The following CNTNAP2 variants were observed in gnomAD, a reference collection of about 807,000 sequenced individuals.
The protein encoded by CNTNAP2 is contactin associated protein 2.
CNTNAP2 carries 98 observed loss-of-function variants against 155.2 expected under a neutral mutation model. That is an observed-to-expected ratio of 0.63 (90% confidence interval 0.54 to 0.75). The LOEUF (loss-of-function observed/expected upper bound fraction) is 0.75, where lower values mean the gene tolerates loss of function less well. Ranked by LOEUF, CNTNAP2 falls within the 30% of genes least tolerant of loss-of-function variation. The pLI is 0.00. For missense variants in CNTNAP2, 1,727 were observed against 1,688.1 expected (o/e 1.02, Z -0.40); for synonymous variants, 651 against 631.2 (o/e 1.03, Z -0.47).
At chr7:146,944,255 A>T (rs1017397348) in intron 3 of CNTNAP2, among the ~76,000 whole-genome samples, 3 of 148,940 alleles carry the variant, frequency 2.0e-5, no homozygotes, top group Non-Finnish European at 4.5e-5. Flanking sequence ...GCAAATCTCC[A>T]ATCATTTTTC....
chr7:147,135,953 T>C (rs1801469172), intron 8 of CNTNAP2, among the ~76,000 whole-genome samples: 1 of 151,574 alleles, frequency 6.6e-6, no homozygotes. Flanking sequence ...ACTAAATTTG[T>C]CTTATGGGAA....
intron 12 of CNTNAP2, among the ~76,000 whole-genome samples, chr7:147,632,743 G>A (rs1449614442): frequency 6.6e-6 from 1 of 152,194 alleles, no homozygotes; most frequent in Non-Finnish European, 1.5e-5. Flanking sequence ...GACTGGAACA[G>A]TTTGGAGGGC....
rs1026651330 is a variant in CNTNAP2 at position 147,435,821 on chromosome 7, T to C, written c.1670+40041T>C. Among the ~76,000 whole-genome samples, 14 of 152,212 alleles carry C rather than the reference T, an allele frequency of 9.2e-5. No individual in the cohort carries two copies. The East Asian group carries it at 2.7e-3, about 29-fold the overall frequency. ...TGTAGAATAGGAATAATAGCACCTA[T>C]TGCTAGTATTGCTATTAGGATTTTC... On this transcript the variant is annotated intron_variant, in intron 10 of 23. Transcript: ENST00000361727.
chr7:147,395,939 A>G (rs1446641701), intron 10 of CNTNAP2, among the ~76,000 whole-genome samples, 159 bp downstream of exon 10: 1 of 151,342 alleles, frequency 6.6e-6, no homozygotes, highest in Admixed American at 6.6e-5. Flanking sequence ...TTGTGATATT[A>G]GCAGTGATTA....
At chr7:147,295,023 C>T (rs560800018) in intron 8 of CNTNAP2, among the ~76,000 whole-genome samples, 13 of 152,230 alleles carry the variant, frequency 8.5e-5, no homozygotes, top group African/African-American at 3.1e-4. Flanking sequence ...ATTAAAGTGT[C>T]CATGTTTTTG....
intron 13 of CNTNAP2, among the ~76,000 whole-genome samples, chr7:147,869,043 T>A (rs1371409560): frequency 6.6e-6 from 1 of 152,190 alleles, no homozygotes; most frequent in Non-Finnish European, 1.5e-5. Flanking sequence ...AAATCATCCA[T>A]CTTCTGCATC....
intron 1 of CNTNAP2, among the ~76,000 whole-genome samples, chr7:146,123,586 A>G (rs1357059373): frequency 6.6e-6 from 1 of 152,220 alleles, no homozygotes; most frequent in African/African-American, 2.4e-5. Context: ...ATTAGATGTC[A>G]TATTGAAATA....
chr7:147,275,794 T>C (rs1163545918), intron 8 of CNTNAP2, among the ~76,000 whole-genome samples: 3 of 152,162 alleles, frequency 2.0e-5, no homozygotes, highest in Non-Finnish European at 4.4e-5. Flanking sequence ...TGATGTTGGC[T>C]GTGAGTTTGT....
At chr7:147,226,003 G>C (rs1447010612) in intron 8 of CNTNAP2, among the ~76,000 whole-genome samples, 1 of 152,024 alleles carries the variant, frequency 6.6e-6, no homozygotes, top group Non-Finnish European at 1.5e-5. Flanking sequence ...AAGAAAGAAA[G>C]AATGAAAGAA....
chr7:146,475,713 A>T (rs1410312951), intron 1 of CNTNAP2, among the ~76,000 whole-genome samples: 1 of 152,188 alleles, frequency 6.6e-6, no homozygotes, highest in African/African-American at 2.4e-5. Context: ...AATAGTGACA[A>T]GAAAAATGAA....
At chr7:148,314,716 TA>T (rs1797656558) in intron 21 of CNTNAP2, among the ~76,000 whole-genome samples, 2 of 151,128 alleles carry the variant, frequency 1.3e-5, no homozygotes, top group African/African-American at 4.8e-5. Flanking sequence ...GAGAAGGGGT[TA>T]GGGGGTTCTT....
intron 12 of CNTNAP2, among the ~76,000 whole-genome samples, chr7:147,606,626 A>G (rs1438936966): frequency 6.6e-6 from 1 of 152,212 alleles, no homozygotes; most frequent in Non-Finnish European, 1.5e-5. Flanking sequence ...ATAAGGATTA[A>G]ACAGTGAAAA....
At chr7:146,322,634 CTTTTTT>C (rs56287346) in intron 1 of CNTNAP2, among the ~76,000 whole-genome samples, 2 of 64,964 alleles carry the variant, frequency 3.1e-5, no homozygotes, top group African/African-American at 5.6e-5. Context: ...TGTTCATTCT[CTTTTTT>C]TTTTTTTTTT....
chr7:146,721,798 AGAC>A (rs1801331499), intron 1 of CNTNAP2, among the ~76,000 whole-genome samples: 1 of 126,332 alleles, frequency 7.9e-6, no homozygotes, highest in African/African-American at 3.5e-5. Context: ...CTACATATAT[AGAC>A]TATATATAGT....
At chr7:147,135,311 T>C (rs1211638050) in intron 8 of CNTNAP2, among the ~76,000 whole-genome samples, 3 of 151,776 alleles carry the variant, frequency 2.0e-5, no homozygotes, top group Admixed American at 6.6e-5. Flanking sequence ...CATGAAAATA[T>C]TGAACAAGTT....
At chr7:147,367,088 A>G (rs550036327) in intron 9 of CNTNAP2, among the ~76,000 whole-genome samples, 1 of 152,326 alleles carries the variant, frequency 6.6e-6, no homozygotes, top group African/African-American at 2.4e-5. Context: ...GACCCGGTGT[A>G]TACAAAAAGC....
At chr7:147,083,541 T>TATATATATGTATATATATATATACAC (rs979838954) in intron 4 of CNTNAP2, among the ~76,000 whole-genome samples, 19 of 129,220 alleles carry the variant, frequency 1.5e-4, no homozygotes, top group South Asian at 4.6e-4. Flanking sequence ...TATATACATA[T>TATATATATGTATATATATATATACAC]ATATATATGT....
rs533629894 is a variant in CNTNAP2, at chr7:146,280,140, T to C, written c.97+163167T>C. On this transcript the variant is annotated intron_variant, in intron 1 of 23. Coordinates refer to ENST00000361727, the MANE Select transcript of CNTNAP2 (RefSeq NM_014141.6). ...TGGAAGTCACGTCTATCTTTTTTAG[T>C]AAAAGCAGTTGCTTTTATCAGAACA... Among the ~76,000 whole-genome samples the C allele has an allele frequency of 5.3e-5, 8 of 152,274 alleles. No individual in the cohort carries two copies. In the East Asian group the frequency reaches 1.5e-3, roughly 29 times the overall value.
intron 21 of CNTNAP2, among the ~76,000 whole-genome samples, chr7:148,270,066 A>G (rs1796746833): frequency 2.0e-5 from 3 of 152,208 alleles, no homozygotes; most frequent in African/African-American, 7.2e-5. Flanking sequence ...AGGTTCTGTC[A>G]CTATGAGTAA....
Sources: allele counts gnomAD v4.1 joint callset (sites outside exome capture counted in the v4.1 genomes callset), GRCh38; gene constraint gnomAD v4.1.1; transcripts MANE v1.5; gene names NCBI Gene and HGNC (gene_info 2026-07-23, HGNC 2026-07-21).